Variants in CUEDC1 observed in about 807,000 individuals in gnomAD.
CUEDC1 encodes CUE domain-containing protein 1.
In CUEDC1, 30 loss-of-function variants were observed where a neutral mutation model predicts 43.7. The observed-to-expected ratio is 0.69, with a 90% CI of 0.51 to 0.93. CUEDC1 has a LOEUF of 0.93. Ranked by LOEUF, CUEDC1 falls within the 40% of genes least tolerant of loss-of-function variation. CUEDC1 has a pLI of 0.00. For missense variants in CUEDC1, 486 were observed against 549.0 expected (o/e 0.89, Z 1.15); for synonymous variants, 223 against 223.6 (o/e 1.00, Z 0.02).
At chr17:57,874,321 C>T (rs1422173110) in intron 3 of CUEDC1, among the ~76,000 whole-genome samples, 2 of 152,202 alleles carry the variant, frequency 1.3e-5, no homozygotes, top group African/African-American at 4.8e-5. Flanking sequence ...CTAGAAACTG[C>T]TGCCTCCCTG....
chr17:57,909,576 G>T (rs1190526983), intron 1 of CUEDC1, among the ~76,000 whole-genome samples: 1 of 152,220 alleles, frequency 6.6e-6, no homozygotes, highest in Non-Finnish European at 1.5e-5. Flanking sequence ...CCTCATCCAA[G>T]ATCAAAGCGT....
At chr17:57,879,538 T>G in intron 3 of CUEDC1, 73 bp downstream of exon 3, 1 of 1,479,160 alleles carries the variant, frequency 6.8e-7, no homozygotes, top group Non-Finnish European at 8.9e-7. Flanking sequence ...AAGTTTCGTG[T>G]TGTTTGTACA....
chr17:57,915,587 C>T (rs893260099), intron 1 of CUEDC1, among the ~76,000 whole-genome samples: 3 of 152,112 alleles, frequency 2.0e-5, no homozygotes, highest in African/African-American at 7.2e-5. Context: ...TTTATCAAAC[C>T]AGCAGGGACT....
intron 1 of CUEDC1, among the ~76,000 whole-genome samples, chr17:57,927,216 G>A (rs1469495633): frequency 1.3e-5 from 2 of 152,050 alleles, no homozygotes; most frequent in Non-Finnish European, 2.9e-5. Flanking sequence ...ACTTAAAAGG[G>A]CATCCAGGGG....
chr17:57,864,450 A>C (rs933609238), intron 10 of CUEDC1, among the ~76,000 whole-genome samples: 3 of 152,160 alleles, frequency 2.0e-5, no homozygotes, highest in Non-Finnish European at 2.9e-5. Flanking sequence ...TGGGCGGAGC[A>C]ACAGGAGCCA....
At chr17:57,885,125 C>T (rs1435209137) in intron 2 of CUEDC1, 104 bp downstream of exon 2, 2 of 1,465,338 alleles carry the variant, frequency 1.4e-6, no homozygotes, top group South Asian at 1.5e-5. Context: ...CCCAGGTCCT[C>T]TTAGAGGTTC....
At chr17:57,897,948 G>A (rs1234857606) in intron 1 of CUEDC1, among the ~76,000 whole-genome samples, 1 of 152,190 alleles carries the variant, frequency 6.6e-6, no homozygotes, top group Non-Finnish European at 1.5e-5. Flanking sequence ...AGGATGCAGA[G>A]GTTGCAATGA....
intron 10 of CUEDC1, among the ~76,000 whole-genome samples, 190 bp downstream of exon 10, chr17:57,866,284 A>G (rs973180587): frequency 6.6e-6 from 1 of 152,236 alleles, no homozygotes; most frequent in Non-Finnish European, 1.5e-5. Context: ...AAATAACCAA[A>G]AAAGACATGC....
intron 1 of CUEDC1, among the ~76,000 whole-genome samples, chr17:57,947,716 A>T (rs2074971897): frequency 2.0e-5 from 3 of 152,158 alleles, no homozygotes; most frequent in African/African-American, 7.2e-5. Flanking sequence ...CACAAGAATC[A>T]TTTGAAACTG....
At chr17:57,890,324 A>G (rs973029460) in intron 1 of CUEDC1, among the ~76,000 whole-genome samples, 1 of 152,228 alleles carries the variant, frequency 6.6e-6, no homozygotes, top group Admixed American at 6.5e-5. Flanking sequence ...CCCAGACAGC[A>G]TGGTAGCAAG....
Position 57,861,462 on chromosome 17 carries a change from C to T in CUEDC1, c.*1827G>A, listed in dbSNP as rs1254599349. On this transcript the variant is annotated 3_prime_UTR_variant, in exon 11 of 11. Transcript: ENST00000577830. Reference sequence around the variant, plus strand: ...CCTCGAGAGTGCAGTCGGAGAGCGCCGCGGGTGAATGGGCCAGGCAAGGCA... The same window carrying T: ...CCTCGAGAGTGCAGTCGGAGAGCGCTGCGGGTGAATGGGCCAGGCAAGGCA... 3 of 152,264 alleles carry T rather than the reference C, an allele frequency of 2.0e-5. No individual in the cohort carries two copies. Among genetic ancestry groups the T allele is most frequent in the African/African-American group, 7.2e-5 (3 of 41,404 alleles). 9.4% of individuals were successfully genotyped at this position (152,264 alleles called of 1,614,324 possible).
chr17:57,896,584 C>T (rs2074412925), intron 1 of CUEDC1, among the ~76,000 whole-genome samples: 1 of 149,842 alleles, frequency 6.7e-6, no homozygotes, highest in Admixed American at 6.7e-5. Context: ...CTGGGGAGAA[C>T]TGGGTCATAA....
intron 1 of CUEDC1, among the ~76,000 whole-genome samples, chr17:57,927,910 G>A (rs1192094101): frequency 4.6e-5 from 7 of 152,232 alleles, no homozygotes; most frequent in Non-Finnish European, 8.8e-5. Context: ...GGGAAACTGA[G>A]GCTTAGAGAG....
intron 1 of CUEDC1, among the ~76,000 whole-genome samples, chr17:57,952,036 T>C (rs1300327697): frequency 6.6e-6 from 1 of 152,040 alleles, no homozygotes; most frequent in African/African-American, 2.4e-5. Context: ...CACCAACCCA[T>C]GGTAGCCAGG....
chr17:57,952,109 G>A (rs2075012538), intron 1 of CUEDC1, among the ~76,000 whole-genome samples: 4 of 152,148 alleles, frequency 2.6e-5, no homozygotes, highest in Admixed American at 2.6e-4. Flanking sequence ...ACTGCAACAA[G>A]GACTTTGCAT....
intron 1 of CUEDC1, among the ~76,000 whole-genome samples, chr17:57,913,695 C>T (rs552161014): frequency 2.0e-4 from 30 of 152,188 alleles, no homozygotes; most frequent in South Asian, 1.7e-3. Context: ...GGATTTCTAG[C>T]GAGGAAATAT....
chr17:57,922,379 C>G (rs908394454), intron 1 of CUEDC1: 1 of 152,192 alleles, frequency 6.6e-6, no homozygotes, highest in Non-Finnish European at 1.5e-5. Flanking sequence ...CTGACCTCCC[C>G]CCTCTGTTCA....
intron 1 of CUEDC1, among the ~76,000 whole-genome samples, chr17:57,905,761 CTGGATGTCCATGTGT>C (rs2074524864): frequency 6.6e-6 from 1 of 152,126 alleles, no homozygotes. Context: ...GTTCAAATGT[CTGGATGTCCATGTGT>C]ACACTTGGGT....
rs780419227 is a variant in CUEDC1, at chr17:57,885,196, T to C, written c.336+33A>G. 15 of 1,523,430 alleles carry C rather than the reference T, an allele frequency of 9.8e-6. No individual in the cohort carries two copies. The African/African-American group carries it at 1.7e-4, about 17-fold the overall frequency. The allele number at this position is 1,523,430 out of a possible 1,614,324, so 94.4% of individuals were successfully genotyped here. A position where few individuals can be genotyped will look rare whatever the true frequency, so the allele number is the denominator to read the frequency against. ...CCTCCGGGGGGATGCTGTCCTCCAG[T>C]GGTGGTTGGAATTACCCGGGCTGCG... On this transcript the variant is annotated intron_variant, in intron 2 of 10. Coordinates refer to ENST00000577830, the MANE Select transcript of CUEDC1 (RefSeq NM_001271875.2).
Sources: allele counts gnomAD v4.1 joint callset (sites outside exome capture counted in the v4.1 genomes callset), GRCh38; gene constraint gnomAD v4.1.1; transcripts MANE v1.5; gene names NCBI Gene and HGNC (gene_info 2026-07-23, HGNC 2026-07-21).